Variants in SNRPN observed in about 807,000 individuals in gnomAD.
The protein encoded by SNRPN is small nuclear ribonucleoprotein polypeptide N, also known as small nuclear ribonucleoprotein-associated protein N.
A neutral mutation model predicts 25.2 loss-of-function variants in SNRPN; 7 were observed. That is an observed-to-expected ratio of 0.28 (90% CI 0.16 to 0.52). The LOEUF is 0.52. SNRPN is among the 20% of genes least tolerant of loss of function. The pLI is 0.96. For synonymous variants in SNRPN, 124 were observed against 110.6 expected, an observed-to-expected ratio of 1.12 and a Z score of -0.76; for missense variants, 196 against 322.5, an observed-to-expected ratio of 0.61 and a Z score of 3.00.
intron 2 of SNRPN, among the ~76,000 whole-genome samples, chr15:24,896,261 A>G (rs192344993): frequency 9.9e-4 from 151 of 152,272 alleles, no homozygotes; most frequent in African/African-American, 3.5e-3. Flanking sequence ...GTGACCCACA[A>G]TTAGTCACTC....
intron 1 of SNRPN, among the ~76,000 whole-genome samples, chr15:24,881,505 T>C (rs1433177993): frequency 1.5e-5 from 2 of 130,984 alleles, no homozygotes; most frequent in Non-Finnish European, 3.1e-5. Context: ...CACTCCAGCC[T>C]GGGCAACAAG....
intron 2 of SNRPN, among the ~76,000 whole-genome samples, chr15:24,842,219 C>T (rs77220545): frequency 0.16 from 24,328 of 151,938 alleles, 2,299 homozygotes; most frequent in South Asian, 0.21. Flanking sequence ...AATTACCAAT[C>T]CCAAGGGAGG....
intron 3 of SNRPN, among the ~76,000 whole-genome samples, chr15:24,923,219 A>G (rs995516973): frequency 6.6e-6 from 1 of 152,106 alleles, no homozygotes; most frequent in Admixed American, 6.6e-5. Context: ...GATCCCTTCT[A>G]TACCTGATGA....
chr15:24,922,127 C>T (rs960245589), intron 3 of SNRPN, among the ~76,000 whole-genome samples: 4 of 151,584 alleles, frequency 2.6e-5, no homozygotes, highest in Admixed American at 6.6e-5. Flanking sequence ...GCAGGAGAAT[C>T]GCTTGAACCT....
Position 24,907,459 on chromosome 15 carries a change from G to A in SNRPN, c.-504-12552G>A, listed in dbSNP as rs372230430. 1.8e-3 allele frequency among the ~76,000 whole-genome samples: 278 copies of A among 152,146 alleles called. 2 individuals carry two copies. The highest frequency in any genetic ancestry group is 2.4e-3 in the Non-Finnish European group (166 of 68,014). ...AAAAATATAGAAAAATTAGCCAGGC[G>A]TGGTGGCGGTCGCCTGTAGTCCCAG... On this transcript the variant is annotated intron_variant, in intron 2 of 11. Coordinates refer to the SNRPN transcript ENST00000400097.
At chr15:24,845,603 A>AAAAAG (rs889030276) in intron 2 of SNRPN, among the ~76,000 whole-genome samples, 1 of 152,198 alleles carries the variant, frequency 6.6e-6, no homozygotes, top group Non-Finnish European at 1.5e-5. Flanking sequence ...CGTCTCAAAA[A>AAAAAG]AAAAGAAAAG....
Position 24,834,728 on chromosome 15 carries a change from C to CTCTCTCTCTCTCTCTCT in SNRPN, c.-579+4823_-579+4824insTCTCTCTCTCTCTCTCT, listed in dbSNP as rs2050864758. 1.2e-3 allele frequency among the ~76,000 whole-genome samples: 53 copies of CTCTCTCTCTCTCTCTCT among 42,798 alleles called. 5 individuals are homozygous for CTCTCTCTCTCTCTCTCT. Among genetic ancestry groups the CTCTCTCTCTCTCTCTCT allele is most frequent in the Non-Finnish European group, 1.4e-3 (31 of 22,448 alleles). The allele number at this position is 42,798 out of a possible 152,430, so 28.1% of individuals were successfully genotyped here. A position where few individuals can be genotyped will look rare whatever the true frequency, so the allele number is the denominator to read the frequency against. On this transcript the variant is annotated intron_variant, in intron 2 of 12. Coordinates refer to the SNRPN transcript ENST00000400100. ...GAGTGAGACCTTGTCTCTCTCTCTC[C>CTCTCTCTCTCTCTCTCT]CTCTCTCTCTCTCTCTCTCTCTCTA... is the stretch of plus-strand genomic sequence containing the variant.
chr15:24,925,025 C>G (rs1177244301), intron 3 of SNRPN, among the ~76,000 whole-genome samples: 1 of 152,108 alleles, frequency 6.6e-6, no homozygotes, highest in African/African-American at 2.4e-5. Flanking sequence ...ATTCTATTAG[C>G]TAGTATAAAC....
chr15:24,855,003 C>CA (rs10600812), upstream of SNRPN, among the ~76,000 whole-genome samples: 25 of 140,858 alleles, frequency 1.8e-4, no homozygotes, highest in African/African-American at 4.8e-4. Context: ...GACTCCGTCT[C>CA]AAAAAAAAAA....
At chr15:24,873,552 A>G (rs1003012030) in intron 1 of SNRPN, among the ~76,000 whole-genome samples, 19 of 150,820 alleles carry the variant, frequency 1.3e-4, no homozygotes, top group Non-Finnish European at 2.7e-4. Flanking sequence ...GGTTCACACC[A>G]TTCTCCTGCC....
intron 2 of SNRPN, among the ~76,000 whole-genome samples, chr15:24,901,904 A>G (rs964718424): frequency 6.6e-6 from 1 of 152,224 alleles, no homozygotes; most frequent in African/African-American, 2.4e-5. Flanking sequence ...TGATCTGTTC[A>G]TAGAGTTGTA....
chr15:24,875,264 G>C (rs1303207760), intron 1 of SNRPN, among the ~76,000 whole-genome samples: 1 of 152,144 alleles, frequency 6.6e-6, no homozygotes, highest in Non-Finnish European at 1.5e-5. Context: ...GTGAATCTGA[G>C]CTAAAGCCTT....
intron 1 of SNRPN, among the ~76,000 whole-genome samples, chr15:24,874,941 T>C (rs1261352381): frequency 6.6e-6 from 1 of 152,206 alleles, no homozygotes; most frequent in African/African-American, 2.4e-5. Context: ...ATAGAAGTGA[T>C]ATAAGACTAA....
intron 2 of SNRPN, among the ~76,000 whole-genome samples, chr15:24,841,745 C>T (rs988903448): frequency 6.6e-5 from 10 of 152,162 alleles, no homozygotes; most frequent in Non-Finnish European, 8.8e-5. Flanking sequence ...CTTATCCTTT[C>T]GAGCCTGACT....
chr15:24,954,986 C>G (rs1446607832), upstream of SNRPN: 1 of 1,607,290 alleles, frequency 6.2e-7, no homozygotes, highest in Non-Finnish European at 8.5e-7. Flanking sequence ...GCGAGTCTGG[C>G]GCAGAGTGGA....
At chr15:24,968,473 A>G (rs1271552637) in intron 3 of SNRPN, 1 of 157,096 alleles carries the variant, frequency 6.4e-6, no homozygotes, top group Non-Finnish European at 1.4e-5. Context: ...AACTTAGAAT[A>G]ATTTTTTCAA....
intron 1 of SNRPN, among the ~76,000 whole-genome samples, chr15:24,885,174 T>C (rs2149987958): frequency 6.6e-6 from 1 of 151,910 alleles, no homozygotes; most frequent in South Asian, 2.1e-4. Context: ...TATTGGGACA[T>C]CTGGATTTTG....
intron 2 of SNRPN, among the ~76,000 whole-genome samples, chr15:24,834,749 C>CTATATATATATA (rs1416978769): frequency 1.6e-5 from 1 of 63,084 alleles, no homozygotes; most frequent in African/African-American, 7.9e-5. Flanking sequence ...CTCTCTCTCT[C>CTATATATATATA]TCTATATATA....
chr15:24,920,669 C>A (rs757696638), intron 3 of SNRPN: 3 of 152,184 alleles, frequency 2.0e-5, no homozygotes, highest in Non-Finnish European at 4.4e-5. Context: ...ACTCAAACCC[C>A]CTCAAGGGCT....
Sources: gnomAD v4.1 joint callset for allele counts (sites outside exome capture counted in the v4.1 genomes callset) on GRCh38, gnomAD v4.1.1 for gene constraint, MANE v1.5 for transcripts, NCBI Gene and HGNC (gene_info 2026-07-23, HGNC 2026-07-21) for gene names.